RNF38: variants seen among roughly 807,000 people sequenced by gnomAD.
The protein encoded by RNF38 is E3 ubiquitin-protein ligase RNF38.
A neutral mutation model predicts 67.2 loss-of-function variants in RNF38; 15 were observed. The observed-to-expected ratio is 0.22, with a 90% CI of 0.15 to 0.34. The LOEUF (loss-of-function observed/expected upper bound fraction) is 0.34, where lower values mean the gene tolerates loss of function less well. RNF38 is among the 10% of genes least tolerant of loss of function. RNF38 has a pLI of 1.00. For synonymous variants in RNF38, 220 were observed against 218.8 expected (o/e 1.01, Z -0.05); for missense variants, 524 against 639.9 (o/e 0.82, Z 1.95).
chr9:36,480,567 T>TG lies in RNF38; in HGVS notation n.241+6740_241+6741insC, dbSNP rs1476595642. 4.7e-5 allele frequency among the ~76,000 whole-genome samples: 7 copies of TG among 148,616 alleles called. No individual in the cohort carries two copies. The East Asian group carries it at 1.2e-3, about 25-fold the overall frequency. ...CTTTTTCTTTTTTTTTTTTTTTTTT[T>TG]TTGAGACAGGGTCTCACTCTGTTCC... On this transcript the variant is annotated intron_variant and non_coding_transcript_variant, in intron 1 of 3. Transcript: ENST00000488058.
chr9:36,481,012 CTTTCT>C (rs1840246579), intron 1 of RNF38, among the ~76,000 whole-genome samples: 1 of 148,268 alleles, frequency 6.7e-6, no homozygotes, highest in Admixed American at 6.7e-5. Context: ...TTTTTCTTCT[CTTTCT>C]TTTTTTTTTT....
At chr9:36,400,349 G>A (rs1386531017), upstream of RNF38, 6 of 1,224,542 alleles carry the variant, frequency 4.9e-6, no homozygotes, top group African/African-American at 6.2e-5. Context: ...AAAAGGGAGG[G>A]AGCGAGAGAG....
chr9:36,416,188 G>A (rs13294718), intron 2 of RNF38, among the ~76,000 whole-genome samples: 1 of 149,054 alleles, frequency 6.7e-6, no homozygotes, highest in Non-Finnish European at 1.5e-5. Flanking sequence ...ACAGGGCGGA[G>A]GGAGGGGGAG....
At chr9:36,402,338 T>A (rs888856255), upstream of RNF38, among the ~76,000 whole-genome samples, 1 of 139,690 alleles carries the variant, frequency 7.2e-6, no homozygotes, top group African/African-American at 2.7e-5. Flanking sequence ...TCTAAACTTG[T>A]TTTTTTTGTT....
At chr9:36,480,796 C>T (rs1368784507) in intron 1 of RNF38, among the ~76,000 whole-genome samples, 6 of 151,632 alleles carry the variant, frequency 4.0e-5, no homozygotes, top group African/African-American at 1.2e-4. Context: ...GTTATCCACC[C>T]GCCTTGGCCT....
At chr9:36,460,208 G>C (rs1184563934) in intron 1 of RNF38, among the ~76,000 whole-genome samples, 1 of 152,140 alleles carries the variant, frequency 6.6e-6, no homozygotes, top group Non-Finnish European at 1.5e-5. Flanking sequence ...ATTAAAAACA[G>C]TAAAGAGCAA....
intron 2 of RNF38, among the ~76,000 whole-genome samples, chr9:36,389,937 T>C (rs902651609): frequency 1.3e-5 from 2 of 152,218 alleles, no homozygotes; most frequent in East Asian, 1.9e-4. Context: ...AGTAATCTTG[T>C]TAATAACCTA....
At chr9:36,383,191 T>C (rs1836335728) in intron 2 of RNF38, among the ~76,000 whole-genome samples, 1 of 152,220 alleles carries the variant, frequency 6.6e-6, no homozygotes, top group Non-Finnish European at 1.5e-5. Flanking sequence ...TATGTCCAGA[T>C]AATACGTAAA....
chr9:36,418,793 A>G (rs1176125385), intron 2 of RNF38, among the ~76,000 whole-genome samples: 1 of 150,992 alleles, frequency 6.6e-6, no homozygotes, highest in Admixed American at 6.6e-5. Flanking sequence ...CTCAAAAAAC[A>G]ACAACAACAA....
chr9:36,423,571 C>G (rs1838681289), intron 2 of RNF38, among the ~76,000 whole-genome samples: 1 of 152,154 alleles, frequency 6.6e-6, no homozygotes, highest in Non-Finnish European at 1.5e-5. Flanking sequence ...TTAAGTCCAT[C>G]CAGATCGGCA....
At chr9:36,397,052 TGTATATATAC>T (rs1837574999) in intron 1 of RNF38, among the ~76,000 whole-genome samples, 2 of 149,704 alleles carry the variant, frequency 1.3e-5, no homozygotes, top group Admixed American at 1.3e-4. Context: ...TATATACACA[TGTATATATAC>T]GTATATATAT....
chr9:36,485,992 C>T (rs1044094553), intron 1 of RNF38, among the ~76,000 whole-genome samples: 1 of 152,170 alleles, frequency 6.6e-6, no homozygotes, highest in Non-Finnish European at 1.5e-5. Context: ...TTGTAAGCTA[C>T]CATCCACCTC....
At chr9:36,432,980 T>C (rs1232579665) in intron 1 of RNF38, among the ~76,000 whole-genome samples, 3 of 152,160 alleles carry the variant, frequency 2.0e-5, no homozygotes, top group African/African-American at 7.2e-5. Flanking sequence ...AATTCAAATC[T>C]CTAGGCTAAG....
chr9:36,369,582 A>T, intron 4 of RNF38, 137 bp downstream of exon 4: 1 of 681,988 alleles, frequency 1.5e-6, no homozygotes, highest in Non-Finnish European at 2.4e-6. Context: ...CTCAATTCTT[A>T]AAAGGAATGA....
intron 1 of RNF38, among the ~76,000 whole-genome samples, chr9:36,455,993 G>A (rs966479294): frequency 2.6e-5 from 4 of 151,648 alleles, no homozygotes; most frequent in African/African-American, 9.7e-5. Flanking sequence ...TCACAGAAAA[G>A]GTAGCCTTCC....
rs780213325 is a variant in RNF38, at chr9:36,353,248, G to C, written c.993C>G (p.His331Gln). 1.2e-6 allele frequency: 2 copies of C among 1,612,588 alleles called. No individual in the cohort carries two copies. The highest frequency in any genetic ancestry group is 2.7e-5 in the African/African-American group (2 of 74,852). Residue 331 changes from histidine (H) to glutamine (Q), a missense_variant, in exon 7 of 12, where the codon CAC becomes CAG. Around this residue, in one of 2 missense-constraint regions of RNF38, gnomAD observed 461 missense variants for 517.4 expected, o/e 0.89. Coordinates refer to ENST00000259605, the MANE Select transcript of RNF38 (RefSeq NM_022781.5). ...GAGCTGATGGAGGTAATGTTGGGGG[G>C]TGGGCTGATGGAGGGTAAGTAAAAC... Reference protein sequence around the residue: ...VGGFTYPPSAHPPTLPPSAPL... With the variant: ...VGGFTYPPSAQPPTLPPSAPL...
intron 1 of RNF38, among the ~76,000 whole-genome samples, chr9:36,394,803 T>C (rs1837399094): frequency 1.3e-5 from 2 of 152,220 alleles, no homozygotes; most frequent in Admixed American, 1.3e-4. Context: ...TTAGTAAGTA[T>C]CAACTATTCC....
intron 1 of RNF38, among the ~76,000 whole-genome samples, chr9:36,392,188 C>T (rs1308270268): frequency 6.6e-6 from 1 of 152,108 alleles, no homozygotes; most frequent in Non-Finnish European, 1.5e-5. Flanking sequence ...TTTGTTTCTG[C>T]TTTGCTATGG....
chr9:36,377,878 A>AT (rs1835899037), intron 2 of RNF38, among the ~76,000 whole-genome samples: 3 of 151,914 alleles, frequency 2.0e-5, no homozygotes, highest in East Asian at 1.9e-4. Context: ...CTTTTATTTC[A>AT]TTTTTTCTGA....
Sources: gnomAD v4.1 joint callset for allele counts (sites outside exome capture counted in the v4.1 genomes callset) on GRCh38, gnomAD v4.1.1 for gene constraint, gnomAD v4.1.1 regional missense constraint, MANE v1.5 for transcripts, NCBI Gene and HGNC (gene_info 2026-07-23, HGNC 2026-07-21) for gene names.